PCDHGA3: variants seen among roughly 807,000 people sequenced by gnomAD.
PCDHGA3 encodes protocadherin gamma-A3.
PCDHGA3 carries 40 observed loss-of-function variants against 58.5 expected under a neutral mutation model. That is an observed-to-expected ratio of 0.68 (90% CI 0.53 to 0.89). PCDHGA3 has a LOEUF of 0.89. Ranked by LOEUF, PCDHGA3 falls within the 40% of genes least tolerant of loss-of-function variation. The probability of loss-of-function intolerance (pLI) is 0.00; values close to 1 mark genes in which losing one functional copy is unlikely to be tolerated. For missense variants in PCDHGA3, 1,223 were observed against 1,195.9 expected (o/e 1.02, Z -0.33); for synonymous variants, 530 against 525.7 (o/e 1.01, Z -0.11).
chr5:141,394,138 T>C (rs1360282699), intron 1 of PCDHGA3: 1 of 1,613,860 alleles, frequency 6.2e-7, no homozygotes. Flanking sequence ...GCTCTGCACG[T>C]GGCAGACATT....
chr5:141,348,668 AG>A, intron 1 of PCDHGA3, among the ~76,000 whole-genome samples: 1 of 152,312 alleles, frequency 6.6e-6, no homozygotes, highest in East Asian at 1.9e-4. Context: ...TTCACTAAAA[AG>A]GATTTATTTT....
chr5:141,350,206 C>A (rs1304389035), intron 1 of PCDHGA3: 1 of 1,466,600 alleles, frequency 6.8e-7, no homozygotes, highest in Non-Finnish European at 9.1e-7. Context: ...AGGGTGCTGC[C>A]ATTTCTTTTT....
intron 3 of PCDHGA3, among the ~76,000 whole-genome samples, chr5:141,508,439 T>C (rs1037512760): frequency 1.3e-5 from 2 of 152,188 alleles, no homozygotes; most frequent in African/African-American, 4.8e-5. Flanking sequence ...ACACAGTTCC[T>C]TAGTGGCAGA....
At chr5:141,467,747 C>T (rs56743829) in intron 1 of PCDHGA3, among the ~76,000 whole-genome samples, 7,097 of 152,110 alleles carry the variant, frequency 0.047, 213 homozygotes, top group Middle Eastern at 0.092. Context: ...CTGCAACCTC[C>T]GCCTCACATG....
chr5:141,420,304 T>C, intron 1 of PCDHGA3: 1 of 1,462,822 alleles, frequency 6.8e-7, no homozygotes, highest in African/African-American at 1.4e-5. Context: ...TTTAATCCTT[T>C]TTATATTACA....
At chr5:141,382,105 G>A (rs1265846285) in intron 1 of PCDHGA3, among the ~76,000 whole-genome samples, 7 of 152,166 alleles carry the variant, frequency 4.6e-5, no homozygotes, top group African/African-American at 1.7e-4. Flanking sequence ...TGGGATTACA[G>A]GCGTGAGCAA....
chr5:141,374,069 C>T (rs747646831), intron 1 of PCDHGA3: 8 of 1,502,764 alleles, frequency 5.3e-6, no homozygotes, highest in Non-Finnish European at 7.1e-6. Context: ...CAGAGAAGTT[C>T]CTAATAAGCC....
At chr5:141,390,919 A>C (rs1254063856) in intron 1 of PCDHGA3, 1 of 152,550 alleles carries the variant, frequency 6.6e-6, no homozygotes, top group Non-Finnish European at 1.5e-5. Flanking sequence ...AAAAAGGTCT[A>C]CTATGCTCAT....
In PCDHGA3 at chr5:141,423,756, G is replaced by A. The variant is rs544048105; in HGVS notation, c.2425-71051G>A. 1.6e-5 allele frequency: 7 copies of A among 448,620 alleles called. 1 individual carries two copies. Among genetic ancestry groups the A allele is most frequent in the Non-Finnish European group, 2.1e-5 (7 of 329,706 alleles). 27.8% of individuals were successfully genotyped at this position (448,620 alleles called of 1,614,324 possible). A position where few individuals can be genotyped will look rare whatever the true frequency, so the allele number is the denominator to read the frequency against. ...GCCTGTTATGAAAACTGTTTGGGGG[G>A]GGGGTGGGGCGGCATATATTTAGTT... On this transcript the variant is annotated intron_variant, in intron 1 of 3. Coordinates refer to ENST00000253812, the MANE Select transcript of PCDHGA3 (RefSeq NM_018916.4).
rs1264017483 is a variant in PCDHGA3 at position 141,477,989 on chromosome 5, A to G, written c.2425-16818A>G. The G allele has an allele frequency of 5.6e-6, 9 of 1,614,086 alleles. No individual in the cohort carries two copies. The highest frequency in any genetic ancestry group is 1.6e-4 in the Middle Eastern group (1 of 6,062). On this transcript the variant is annotated intron_variant, in intron 1 of 3. Coordinates refer to ENST00000253812, the MANE Select transcript of PCDHGA3 (RefSeq NM_018916.4). The surrounding 1 kb of genome is among the most constrained non-coding windows in gnomAD (Gnocchi z 4.9). ...GAGCCTTTTTGCCATAGGGCTGCACACTGGTCAAATCAGTACTGCCCGTCC... is the reference window on the plus strand; with the variant it reads ...GAGCCTTTTTGCCATAGGGCTGCACGCTGGTCAAATCAGTACTGCCCGTCC...
In PCDHGA3 at chr5:141,419,703, G is replaced by C. The variant is rs2096418539; in HGVS notation, c.2424+73246G>C. 1 of 1,612,946 alleles carries C rather than the reference G, an allele frequency of 6.2e-7. No individual in the cohort carries two copies. The highest frequency in any genetic ancestry group is 1.3e-5 in the African/African-American group (1 of 74,946). The stretch of plus-strand genomic sequence containing the variant: ...CACGTGGTGCAGGCCAGTGAGCCCG[G>C]GCTCTTCAGCCTGGGGCTGCGAACA... On this transcript the variant is annotated intron_variant, in intron 1 of 3. Coordinates refer to ENST00000253812, the MANE Select transcript of PCDHGA3 (RefSeq NM_018916.4).
chr5:141,390,539 A>T (rs774441899), intron 1 of PCDHGA3: 22 of 514,666 alleles, frequency 4.3e-5, no homozygotes, highest in Non-Finnish European at 6.5e-5. Flanking sequence ...TTTTAACCAC[A>T]AAGTGAAAGT....
chr5:141,431,023 C>G lies in PCDHGA3; in HGVS notation c.2425-63784C>G. 6.2e-7 allele frequency: 1 copy of G among 1,613,748 alleles called. No homozygotes were observed. Among genetic ancestry groups the G allele is most frequent in the Non-Finnish European group, 8.5e-7 (1 of 1,179,820 alleles). On this transcript the variant is annotated intron_variant, in intron 1 of 3. Transcript: ENST00000253812. This position sits in a 1 kb window ranked among gnomAD's most constrained non-coding sequence, Gnocchi z 4.8. ...GCAGCGGCAGCTTGGTCACGGCGGG[C>G]AGGATAGACCGGGAGGAGCTCTGTA...
intron 1 of PCDHGA3, chr5:141,418,261 G>T (rs763160633): frequency 1.9e-6 from 3 of 1,613,938 alleles, no homozygotes; most frequent in Non-Finnish European, 2.5e-6. Flanking sequence ...CTCAATTCCG[G>T]AAAGATGAAA....
At chr5:141,504,288 GT>G (rs1175142876) in intron 2 of PCDHGA3, among the ~76,000 whole-genome samples, 1 of 152,124 alleles carries the variant, frequency 6.6e-6, no homozygotes, top group Non-Finnish European at 1.5e-5. Flanking sequence ...ATCATTTCAT[GT>G]TTTTTCAACA....
At chr5:141,376,448 G>T (rs771215693) in intron 1 of PCDHGA3, 1 of 1,614,174 alleles carries the variant, frequency 6.2e-7, no homozygotes, top group Non-Finnish European at 8.5e-7. Flanking sequence ...TGAGAAAAGC[G>T]AGCCTCTTCT....
intron 1 of PCDHGA3, among the ~76,000 whole-genome samples, chr5:141,444,726 G>C (rs1296177763): frequency 6.6e-6 from 1 of 152,048 alleles, no homozygotes; most frequent in African/African-American, 2.4e-5. Flanking sequence ...TGGTGCCTTT[G>C]TTGAAAGTCA....
intron 1 of PCDHGA3, among the ~76,000 whole-genome samples, chr5:141,437,064 G>T (rs1380953110): frequency 6.6e-6 from 1 of 152,170 alleles, no homozygotes; most frequent in Non-Finnish European, 1.5e-5. Flanking sequence ...ATCATTATTT[G>T]GTTTGGGCCA....
intron 1 of PCDHGA3, among the ~76,000 whole-genome samples, chr5:141,429,664 ATTATT>A (rs2097234085): frequency 6.6e-6 from 1 of 152,214 alleles, no homozygotes; most frequent in Non-Finnish European, 1.5e-5. Context: ...TTTAAAATAT[ATTATT>A]TTATTTTATG....
Sources: allele counts gnomAD v4.1 joint callset (sites outside exome capture counted in the v4.1 genomes callset), GRCh38; gene constraint gnomAD v4.1.1; non-coding constraint Gnocchi (gnomAD v3.1); transcripts MANE v1.5; gene names NCBI Gene and HGNC (gene_info 2026-07-23, HGNC 2026-07-21).